Variants in TRPM2 observed in about 807,000 individuals in gnomAD.
TRPM2 encodes the protein transient receptor potential cation channel subfamily M member 2, also known as estrogen-responsive element-associated gene 1 protein.
A neutral mutation model predicts 174.0 loss-of-function variants in TRPM2; 161 were observed. The observed-to-expected ratio is 0.93, with a 90% CI of 0.81 to 1.05. TRPM2 has a LOEUF of 1.05. TRPM2 is among the 50% of genes least tolerant of loss of function. The pLI is 0.00. For synonymous variants in TRPM2, 954 were observed against 861.3 expected (o/e 1.11, Z -1.88); for missense variants, 2,057 against 2,038.0 (o/e 1.01, Z -0.18).
intron 23 of TRPM2, 54 bp downstream of exon 23, chr21:44,423,786 G>A: frequency 1.4e-6 from 2 of 1,456,072 alleles, no homozygotes; most frequent in South Asian, 2.4e-5. Context: ...GGCCTGGTGG[G>A]CGGCTCTGCC....
chr21:44,377,497 CGG>C (rs1261263935), intron 6 of TRPM2, among the ~76,000 whole-genome samples: 1 of 152,210 alleles, frequency 6.6e-6, no homozygotes, highest in African/African-American at 2.4e-5. Context: ...TGACTTTAAA[CGG>C]CGACTCAGCA....
intron 8 of TRPM2, among the ~76,000 whole-genome samples, chr21:44,379,850 G>A (rs914940845): frequency 6.6e-6 from 1 of 152,196 alleles, no homozygotes; most frequent in Non-Finnish European, 1.5e-5. Flanking sequence ...AGGATTCTTT[G>A]CAGGGGCTGG....
chr21:44,411,348 G>T (rs550989693), intron 19 of TRPM2, among the ~76,000 whole-genome samples: 1 of 151,860 alleles, frequency 6.6e-6, no homozygotes, highest in Admixed American at 6.6e-5. Flanking sequence ...TTTTATTATT[G>T]TCCAAGCTAT....
chr21:44,387,202 G>T (rs1823773738), intron 9 of TRPM2, among the ~76,000 whole-genome samples: 1 of 152,098 alleles, frequency 6.6e-6, no homozygotes, highest in African/African-American at 2.4e-5. Context: ...ATCCCAAAAA[G>T]ATATGGAGAC....
intron 29 of TRPM2, among the ~76,000 whole-genome samples, chr21:44,437,965 C>A (rs914548285): frequency 6.6e-5 from 10 of 152,264 alleles, no homozygotes; most frequent in African/African-American, 1.9e-4. Flanking sequence ...CTGTGACTTA[C>A]AACAACTCAG....
chr21:44,406,791 C>T (rs896521103), intron 19 of TRPM2, 26 bp downstream of exon 19: 162 of 1,581,404 alleles, frequency 1.0e-4, no homozygotes, highest in Admixed American at 1.3e-4. Context: ...CATGGGAGCT[C>T]GGGTGGTGCT....
intron 8 of TRPM2, among the ~76,000 whole-genome samples, chr21:44,381,797 C>T (rs1249012668): frequency 2.0e-5 from 3 of 151,744 alleles, no homozygotes; most frequent in Non-Finnish European, 2.9e-5. Flanking sequence ...ATCCCAGCTA[C>T]TTGGGAGGCT....
chr21:44,381,390 T>G (rs1164378465), intron 8 of TRPM2, among the ~76,000 whole-genome samples: 1 of 151,328 alleles, frequency 6.6e-6, no homozygotes, highest in African/African-American at 2.4e-5. Context: ...GATGGATGGA[T>G]GGATGGATGG....
At chr21:44,435,402 G>A (rs1429244381) in intron 28 of TRPM2, among the ~76,000 whole-genome samples, 185 bp downstream of exon 28, 1 of 152,054 alleles carries the variant, frequency 6.6e-6, no homozygotes, top group African/African-American at 2.4e-5. Flanking sequence ...AAATGGGGCA[G>A]GAATGTCCAT....
At chr21:44,361,901 G>T (rs1168731811) in intron 2 of TRPM2, among the ~76,000 whole-genome samples, 2 of 152,152 alleles carry the variant, frequency 1.3e-5, no homozygotes, top group Non-Finnish European at 2.9e-5. Flanking sequence ...TAGAGACAAG[G>T]TTTGGCCATG....
intron 31 of TRPM2, 78 bp from the exon 32 acceptor site, chr21:44,441,614 G>C (rs1448479198): frequency 1.3e-6 from 2 of 1,493,028 alleles, no homozygotes; most frequent in African/African-American, 1.4e-5. Context: ...CCAAGCCCTC[G>C]AAGGCTGCAG....
chr21:44,367,075 G>A lies in TRPM2; in HGVS notation c.604+141G>A. 9.6e-7 allele frequency: 1 copy of A among 1,036,844 alleles called. No homozygotes were observed. The highest frequency in any genetic ancestry group is 1.4e-6 in the Non-Finnish European group (1 of 736,346). 64.2% of individuals were successfully genotyped at this position (1,036,844 alleles called of 1,614,324 possible). The stretch of plus-strand genomic sequence containing the variant: ...GTGCCCCAGCCTGAGTCGGACCCAT[G>A]CACCTCTCACCTGGGCACAGCTGCT... On this transcript the variant is annotated intron_variant, in intron 4 of 31. Transcript: ENST00000397928. This position sits in a 1 kb window ranked among gnomAD's most constrained non-coding sequence, Gnocchi z 4.6.
At chr21:44,427,887 C>T (rs988265355) in intron 27 of TRPM2, among the ~76,000 whole-genome samples, 57 of 152,164 alleles carry the variant, frequency 3.7e-4, no homozygotes, top group Middle Eastern at 6.8e-3. Context: ...GCAGGCGGCC[C>T]GCTCTGGTGT....
rs2050697989 is a variant in TRPM2 at position 44,424,939 on chromosome 21, G to A, written c.3637G>A (p.Ala1213Thr). The A allele has an allele frequency of 6.3e-7, 1 of 1,597,666 alleles. No individual in the cohort carries two copies. The highest frequency in any genetic ancestry group is 8.5e-7 in the Non-Finnish European group (1 of 1,174,358). The change falls in exon 24 of 32, where the codon GCC (alanine) becomes ACC (threonine). Residue 1213 changes from alanine to threonine, a missense_variant and splice_region_variant. Physicochemically the swap from Ala to Thr is moderately conservative, Grantham distance 58. Transcript: ENST00000397928. ...CTCGGAGGCGGACGTCCCCACTCTGGGTGAGTGGGTGGCCAGGCCAGCAGC... is the reference window on the plus strand; with the variant it reads ...CTCGGAGGCGGACGTCCCCACTCTGAGTGAGTGGGTGGCCAGGCCAGCAGC... ...FSSEADVPTL[A>T]SQKAAEEPDA...
At chr21:44,357,494 C>G (rs777627722) in intron 2 of TRPM2, among the ~76,000 whole-genome samples, 2 of 152,216 alleles carry the variant, frequency 1.3e-5, no homozygotes, top group Admixed American at 6.5e-5. Flanking sequence ...AGACACAGGC[C>G]GAGTCTGGAG....
At chr21:44,414,982 T>G (rs1229489984) in intron 20 of TRPM2, 3 of 152,192 alleles carry the variant, frequency 2.0e-5, no homozygotes, top group Non-Finnish European at 4.4e-5. Flanking sequence ...GCTGGGTTCT[T>G]TAGCTCTTTG....
At chr21:44,370,673 C>T (rs980568452) in intron 5 of TRPM2, among the ~76,000 whole-genome samples, 1 of 152,240 alleles carries the variant, frequency 6.6e-6, no homozygotes, top group African/African-American at 2.4e-5. Context: ...CACGAGGGGC[C>T]CAGCAAGCAC....
intron 9 of TRPM2, among the ~76,000 whole-genome samples, chr21:44,384,970 CA>C (rs2048978609): frequency 6.6e-6 from 1 of 152,206 alleles, no homozygotes; most frequent in Non-Finnish European, 1.5e-5. Flanking sequence ...ATACCAAAGA[CA>C]GACACTACAA....
At chr21:44,426,584 C>G in intron 25 of TRPM2, 76 bp from the exon 26 acceptor site, 1 of 1,475,044 alleles carries the variant, frequency 6.8e-7, no homozygotes, top group East Asian at 2.3e-5. Context: ...AGCTGAGCAG[C>G]CCTTTCACCC....
Sources: allele counts gnomAD v4.1 joint callset (sites outside exome capture counted in the v4.1 genomes callset), GRCh38; gene constraint gnomAD v4.1.1; non-coding constraint Gnocchi (gnomAD v3.1); transcripts MANE v1.5; gene names NCBI Gene and HGNC (gene_info 2026-07-23, HGNC 2026-07-21).